The following SPON1 variants were observed in gnomAD, a reference collection of about 807,000 sequenced individuals.
SPON1 encodes spondin 1, also known as spondin-1.
In SPON1, 52 loss-of-function variants were observed where a neutral mutation model predicts 111.7. The observed-to-expected ratio is 0.47, with a 90% CI of 0.37 to 0.59. The LOEUF is 0.59. Among genes scored for constraint, SPON1 ranks in the 20% least tolerant of loss-of-function variants. SPON1 has a pLI of 0.00. For synonymous variants in SPON1, 410 were observed against 395.8 expected (o/e 1.04, Z -0.43); for missense variants, 957 against 1,068.5 (o/e 0.90, Z 1.46).
At chr11:14,195,134 C>T (rs561039541) in intron 6 of SPON1, among the ~76,000 whole-genome samples, 1 of 152,294 alleles carries the variant, frequency 6.6e-6, no homozygotes, top group African/African-American at 2.4e-5. Flanking sequence ...TTCAAAAGTA[C>T]ATACTCTGCC....
At chr11:14,030,251 A>G (rs782453700) in intron 2 of SPON1, among the ~76,000 whole-genome samples, 1 of 152,222 alleles carries the variant, frequency 6.6e-6, no homozygotes, top group Non-Finnish European at 1.5e-5. Context: ...GGGCCAGGTT[A>G]TTAGCCTGCC....
At chr11:14,067,404 C>T (rs1554920468) in intron 3 of SPON1, among the ~76,000 whole-genome samples, 4 of 152,150 alleles carry the variant, frequency 2.6e-5, no homozygotes, top group African/African-American at 9.7e-5. Flanking sequence ...TTTCCCATAC[C>T]ACAAGAAGCC....
rs77161307 is a variant in SPON1 at position 14,031,345 on chromosome 11, A to G, written c.346-10176A>G. ...ATATATTTTTAAAAAGGATGCTATA[A>G]CTTTTGTGAAAGTTAGGCTGGAAGA... On this transcript the variant is annotated intron_variant, in intron 2 of 15. Coordinates refer to ENST00000576479, the MANE Select transcript of SPON1 (RefSeq NM_006108.4). Among the ~76,000 whole-genome samples, 1,174 of 152,294 alleles carry G rather than the reference A, an allele frequency of 7.7e-3. 19 individuals carry two copies. The highest frequency in any genetic ancestry group is 0.027 in the African/African-American group (1,142 of 41,560).
At chr11:14,115,391 A>G (rs1849259522) in intron 5 of SPON1, among the ~76,000 whole-genome samples, 1 of 152,228 alleles carries the variant, frequency 6.6e-6, no homozygotes, top group Non-Finnish European at 1.5e-5. Context: ...TCTTAAAATG[A>G]CTAGGACTCC....
At chr11:14,252,243 G>A (rs1849060684) in intron 7 of SPON1, among the ~76,000 whole-genome samples, 1 of 152,246 alleles carries the variant, frequency 6.6e-6, no homozygotes, top group African/African-American at 2.4e-5. Flanking sequence ...ACATTCATGG[G>A]GTCTGGCTAT....
At chr11:14,044,881 C>T (rs543363038) in intron 3 of SPON1, among the ~76,000 whole-genome samples, 3 of 152,296 alleles carry the variant, frequency 2.0e-5, no homozygotes, top group African/African-American at 7.2e-5. Flanking sequence ...AAAGCTACCT[C>T]TTTTTGTTTT....
chr11:14,040,077 A>G (rs1406792738), intron 2 of SPON1, among the ~76,000 whole-genome samples: 3 of 152,184 alleles, frequency 2.0e-5, no homozygotes, highest in Admixed American at 1.3e-4. Flanking sequence ...GATAGAATAA[A>G]AGGTATAGCT....
chr11:13,985,016 T>A (rs1848171717), intron 2 of SPON1, among the ~76,000 whole-genome samples: 1 of 152,174 alleles, frequency 6.6e-6, no homozygotes, highest in Non-Finnish European at 1.5e-5. Flanking sequence ...ACCAGCAGCA[T>A]CAGCAACACC....
chr11:14,089,390 C>T (rs1316296038), intron 5 of SPON1, among the ~76,000 whole-genome samples: 2 of 152,178 alleles, frequency 1.3e-5, no homozygotes, highest in Non-Finnish European at 2.9e-5. Flanking sequence ...AGTCAGGCTC[C>T]TCTTCTGCAG....
intron 2 of SPON1, among the ~76,000 whole-genome samples, chr11:14,001,650 C>G (rs1362201382): frequency 6.6e-6 from 1 of 152,176 alleles, no homozygotes; most frequent in Non-Finnish European, 1.5e-5. Context: ...ATTACATCAA[C>G]AAGGCTCAGT....
chr11:14,173,348 TC>T (rs1294536043), intron 6 of SPON1, among the ~76,000 whole-genome samples: 1 of 152,208 alleles, frequency 6.6e-6, no homozygotes, highest in African/African-American at 2.4e-5. Flanking sequence ...CTCCATCAGG[TC>T]CTTTAAGGAC....
chr11:14,249,610 T>C (rs555394109), intron 7 of SPON1, among the ~76,000 whole-genome samples: 1 of 152,348 alleles, frequency 6.6e-6, no homozygotes, highest in African/African-American at 2.4e-5. Flanking sequence ...ACACAGCATA[T>C]GAGTGTTTTA....
intron 15 of SPON1, among the ~76,000 whole-genome samples, chr11:14,265,319 T>A (rs1241096625): frequency 6.6e-6 from 1 of 152,202 alleles, no homozygotes; most frequent in Non-Finnish European, 1.5e-5. Flanking sequence ...TGCCTTTTGA[T>A]GAGAAGAACC....
intron 2 of SPON1, among the ~76,000 whole-genome samples, chr11:13,992,058 C>A (rs1303036017): frequency 1.3e-5 from 2 of 152,184 alleles, no homozygotes; most frequent in African/African-American, 4.8e-5. Flanking sequence ...CTTGAGGAGG[C>A]AGTCTGACCC....
At chr11:14,028,260 T>C (rs1554915609) in intron 2 of SPON1, among the ~76,000 whole-genome samples, 1 of 152,032 alleles carries the variant, frequency 6.6e-6, no homozygotes, top group African/African-American at 2.4e-5. Context: ...GGCAGGAGGA[T>C]TGCTTGAACC....
At chr11:14,223,826 T>C (rs1480939342) in intron 6 of SPON1, among the ~76,000 whole-genome samples, 1 of 152,180 alleles carries the variant, frequency 6.6e-6, no homozygotes, top group Non-Finnish European at 1.5e-5. Context: ...GGTCACAAAA[T>C]AGCCAAGTGA....
intron 2 of SPON1, among the ~76,000 whole-genome samples, chr11:14,010,006 AG>A (rs1472265652): frequency 6.6e-6 from 1 of 152,216 alleles, no homozygotes; most frequent in Non-Finnish European, 1.5e-5. Flanking sequence ...AAATGAGGAC[AG>A]GGGCCACTAT....
rs1221586427 is a variant in SPON1, at chr11:14,256,705, C to T, written c.1309+13C>T. Reference sequence around the variant, plus strand: ...GAGAAAGATGAAGGTACGTTGTTTTCTTTTGTTGCAGGTGGCAACATAAAT... The same window carrying T: ...GAGAAAGATGAAGGTACGTTGTTTTTTTTTGTTGCAGGTGGCAACATAAAT... On this transcript the variant is annotated intron_variant, in intron 10 of 15. Coordinates refer to ENST00000576479, the MANE Select transcript of SPON1 (RefSeq NM_006108.4). The T allele has an allele frequency of 1.4e-5, 23 of 1,608,868 alleles. No homozygotes were observed. The highest frequency in any genetic ancestry group is 2.0e-5 in the Non-Finnish European group (23 of 1,176,788).
rs781811208 is a variant in SPON1, at chr11:13,967,449, A to G, written c.238+4307A>G. 3.3e-4 allele frequency among the ~76,000 whole-genome samples: 50 copies of G among 152,250 alleles called. No homozygotes were observed. The Middle Eastern group carries it at 0.01, about 31-fold the overall frequency. On this transcript the variant is annotated intron_variant, in intron 1 of 15. Transcript: ENST00000576479. ...CCCATAAACTAGAGGATTAATTTAGAAACATGAAGAACCTTGTCAGCCTTT... is the reference window on the plus strand; with the variant it reads ...CCCATAAACTAGAGGATTAATTTAGGAACATGAAGAACCTTGTCAGCCTTT...
Sources: gnomAD v4.1 joint callset for allele counts (sites outside exome capture counted in the v4.1 genomes callset) on GRCh38, gnomAD v4.1.1 for gene constraint, MANE v1.5 for transcripts, NCBI Gene and HGNC (gene_info 2026-07-23, HGNC 2026-07-21) for gene names.